The following PCDH15 variants were observed in gnomAD, a reference collection of about 807,000 sequenced individuals.
PCDH15 encodes the protein protocadherin-15.
In PCDH15, 129 loss-of-function variants were observed where a neutral mutation model predicts 178.5. That is an observed-to-expected ratio of 0.72 (90% CI 0.63 to 0.84). The LOEUF (loss-of-function observed/expected upper bound fraction) is 0.84. Among genes scored for constraint, PCDH15 ranks in the 40% least tolerant of loss-of-function variants. The pLI, the probability that PCDH15 is intolerant of heterozygous loss-of-function variation, is 0.00. For synonymous variants in PCDH15, 800 were observed against 732.0 expected (o/e 1.09, Z -1.50); for missense variants, 2,230 against 2,099.9 (o/e 1.06, Z -1.21).
chr10:53,931,275 G>A (rs1295555355), intron 25 of PCDH15, among the ~76,000 whole-genome samples: 2 of 152,214 alleles, frequency 1.3e-5, no homozygotes, highest in East Asian at 1.9e-4. Context: ...CAGGGGTGGT[G>A]AGGTGGGAGT....
In PCDH15 at chr10:55,031,060, A is replaced by G. The variant is rs114815032; in HGVS notation, c.-79-133560T>C. The stretch of plus-strand genomic sequence containing the variant: ...TAGGCACACAAGACCTTGCCTAGTG[A>G]AAGTCCTTTATCCCAAACAAATTGA... On this transcript the variant is annotated intron_variant, in intron 2 of 5. Transcript: ENST00000458638. Among the ~76,000 whole-genome samples, 1,316 of 152,224 alleles carry G rather than the reference A, an allele frequency of 8.6e-3. 19 individuals are homozygous for G. The highest frequency in any genetic ancestry group is 0.03 in the African/African-American group (1,248 of 41,548).
intron 2 of PCDH15, among the ~76,000 whole-genome samples, chr10:54,994,288 C>A (rs1397009524): frequency 6.6e-6 from 1 of 152,054 alleles, no homozygotes; most frequent in Non-Finnish European, 1.5e-5. Flanking sequence ...TTCAGTTTCA[C>A]AAAGACAAAT....
intron 1 of PCDH15, among the ~76,000 whole-genome samples, chr10:55,268,581 C>CA (rs1564951336): frequency 6.6e-6 from 1 of 152,100 alleles, no homozygotes; most frequent in South Asian, 2.1e-4. Flanking sequence ...AATTCTTCTA[C>CA]AGTTCTTGAA....
At chr10:54,222,041 C>T (rs988644584) in intron 9 of PCDH15, among the ~76,000 whole-genome samples, 2 of 152,198 alleles carry the variant, frequency 1.3e-5, no homozygotes, top group African/African-American at 4.8e-5. Context: ...GGATATGCTA[C>T]AACTCATTTA....
intron 2 of PCDH15, among the ~76,000 whole-genome samples, chr10:55,068,124 T>C (rs1478257844): frequency 2.0e-5 from 3 of 152,132 alleles, no homozygotes; most frequent in Admixed American, 2.0e-4. Context: ...TATTTGCCTG[T>C]ACTTTTGAGG....
At chr10:55,396,914 C>T (rs1017636549) in intron 2 of PCDH15, among the ~76,000 whole-genome samples, 2 of 152,094 alleles carry the variant, frequency 1.3e-5, no homozygotes, top group Non-Finnish European at 2.9e-5. Flanking sequence ...AAAAAGCCTA[C>T]AATTTTTGTA....
chr10:54,369,234 G>T lies in PCDH15; in HGVS notation c.360C>A (p.Cys120Ter). 6.2e-7 allele frequency: 1 copy of T among 1,612,704 alleles called. No homozygotes were observed. The highest frequency in any genetic ancestry group is 8.5e-7 in the Non-Finnish European group (1 of 1,179,260). ...TAATAGTGCCCACTTTTTTGTTGAT[G>T]CACTGGACCTGCACCACAATGGAGT... is the stretch of plus-strand genomic sequence containing the variant. ...NIHSIVVQVQ[C>*]INKKVGTIIY... Residue 120 changes from cysteine (C) to a stop codon, truncating the protein, a stop_gained, in exon 5 of 38, where the codon TGC becomes TGA. Coordinates refer to ENST00000644397, the MANE Select transcript of PCDH15 (RefSeq NM_001384140.1). LOFTEE classifies it high-confidence loss of function.
Position 53,866,842 on chromosome 10 carries a change from TA to T in PCDH15, c.3516del (p.Asp1172GlufsTer13), listed in dbSNP as rs1302168074. 1.2e-6 allele frequency: 2 copies of T among 1,609,748 alleles called. No individual in the cohort carries two copies. Among genetic ancestry groups the T allele is most frequent in the Non-Finnish European group, 1.7e-6 (2 of 1,176,768 alleles). ...SVLRVKATDK[D>X]TGNYSVMAYR... Reference sequence around the variant, plus strand: ...TAGGCCATGACACTATAATTGCCAGTATCTTTATCAGTAGCCTAGACGGAGG... The same window carrying T: ...TAGGCCATGACACTATAATTGCCAGTTCTTTATCAGTAGCCTAGACGGAGG... On this transcript the variant is annotated frameshift_variant, in exon 27 of 38. Coordinates refer to ENST00000644397, the MANE Select transcript of PCDH15 (RefSeq NM_001384140.1). LOFTEE classifies it high-confidence loss of function.
intron 1 of PCDH15, among the ~76,000 whole-genome samples, chr10:55,177,186 T>C (rs1397644880): frequency 2.0e-5 from 3 of 152,268 alleles, no homozygotes; most frequent in Non-Finnish European, 4.4e-5. Context: ...CCCCTAAATC[T>C]TCAAGCAACT....
At chr10:55,241,557 C>T (rs186039537) in intron 1 of PCDH15, among the ~76,000 whole-genome samples, 33 of 152,072 alleles carry the variant, frequency 2.2e-4, no homozygotes, top group Non-Finnish European at 2.9e-4. Flanking sequence ...GTAGCTGAGA[C>T]CACAGGTGTA....
intron 1 of PCDH15, among the ~76,000 whole-genome samples, chr10:54,764,154 T>A (rs999870629): frequency 6.6e-5 from 10 of 152,074 alleles, no homozygotes; most frequent in African/African-American, 2.4e-4. Flanking sequence ...CTTTGTTATG[T>A]CTCTTGTCTA....
At chr10:53,874,496 G>T (rs1564656599) in intron 26 of PCDH15, among the ~76,000 whole-genome samples, 2 of 151,988 alleles carry the variant, frequency 1.3e-5, no homozygotes, top group African/African-American at 4.8e-5. Context: ...TATTCCATTG[G>T]TAAAGTCTAA....
intron 15 of PCDH15, among the ~76,000 whole-genome samples, chr10:54,125,822 A>G (rs16937926): frequency 0.029 from 4,473 of 152,250 alleles, 240 homozygotes; most frequent in African/African-American, 0.1. Context: ...TTAGCCATCT[A>G]TATCTTCAGC....
intron 20 of PCDH15, among the ~76,000 whole-genome samples, chr10:53,998,511 T>C (rs2091962748): frequency 6.6e-6 from 1 of 152,090 alleles, no homozygotes. Flanking sequence ...TTTTCTCCTT[T>C]AGCAGACTAC....
intron 2 of PCDH15, among the ~76,000 whole-genome samples, chr10:55,493,034 AAATAAAC>A (rs545964001): frequency 1.3e-3 from 191 of 151,844 alleles, no homozygotes; most frequent in Non-Finnish European, 2.3e-3. Flanking sequence ...GAATAAATAG[AAATAAAC>A]AGAGCTTCAG....
chr10:54,133,594 G>A (rs1041847648), intron 14 of PCDH15, among the ~76,000 whole-genome samples: 39 of 152,186 alleles, frequency 2.6e-4, no homozygotes, highest in Non-Finnish European at 4.4e-5. Flanking sequence ...GATAAGCTAG[G>A]AATTAGATTT....
intron 2 of PCDH15, among the ~76,000 whole-genome samples, chr10:54,947,181 C>A (rs945382643): frequency 6.6e-6 from 1 of 151,840 alleles, no homozygotes; most frequent in Non-Finnish European, 1.5e-5. Flanking sequence ...CACTAGTTAA[C>A]ATTTCTAGAG....
At position 55,153,372 on chromosome 10, in the gene PCDH15, G is replaced by A. The variant is rs186410603; in HGVS notation, c.-80+13204C>T. On this transcript the variant is annotated intron_variant, in intron 2 of 5. Transcript: ENST00000458638. ...ACCTTGACACGGGCTGCATCAGCCT[G>A]GAGGACAGGCTGCCTCTCCCAAGTG... 3.9e-5 allele frequency among the ~76,000 whole-genome samples: 6 copies of A among 152,224 alleles called. No individual in the cohort carries two copies. The East Asian group carries it at 1.2e-3, about 29-fold the overall frequency.
Position 54,174,680 on chromosome 10 carries a change from CTTTCTTTTTTCTTTTTCT to C in PCDH15, c.1590+8746_1590+8763del, listed in dbSNP as rs1303096034. Among the ~76,000 whole-genome samples the C allele has an allele frequency of 1.2e-3, 149 of 120,056 alleles. 1 individual carries two copies. The highest frequency in any genetic ancestry group is 4.5e-3 in the African/African-American group (132 of 29,074). The allele number at this position is 120,056 out of a possible 152,430, so 78.8% of individuals were successfully genotyped here. A position where few individuals can be genotyped will look rare whatever the true frequency, so the allele number is the denominator to read the frequency against. Reference sequence around the variant, plus strand: ...AAGGTGTTGCTATTTTCTTTTCCTTCTTTCTTTTTTCTTTTTCTTTTCTTTTTTTTTTTTTTTTTTTTT... The same window carrying C: ...AAGGTGTTGCTATTTTCTTTTCCTTCTTTCTTTTTTTTTTTTTTTTTTTTT... On this transcript the variant is annotated intron_variant, in intron 13 of 37. Coordinates refer to ENST00000644397, the MANE Select transcript of PCDH15 (RefSeq NM_001384140.1).
Sources: gnomAD v4.1 joint callset for allele counts (sites outside exome capture counted in the v4.1 genomes callset) on GRCh38, gnomAD v4.1.1 for gene constraint, MANE v1.5 for transcripts, NCBI Gene and HGNC (gene_info 2026-07-23, HGNC 2026-07-21) for gene names.